The following BBOF1 variants were observed in gnomAD, a reference collection of about 807,000 sequenced individuals.
BBOF1 encodes the protein basal body orientation factor 1.
Under a neutral mutation model 68.0 loss-of-function variants are expected in BBOF1, and 62 were observed. The ratio of observed to expected loss-of-function variants is 0.91; its 90% CI spans 0.74 to 1.13. The LOEUF (loss-of-function observed/expected upper bound fraction) is 1.13, where lower values mean the gene tolerates loss of function less well. BBOF1 is among the 50% of genes most tolerant of loss of function. The probability of loss-of-function intolerance (pLI) is 0.00; values close to 1 mark genes in which losing one functional copy is unlikely to be tolerated. For missense variants in BBOF1, 534 were observed against 600.1 expected, an observed-to-expected ratio of 0.89 and a Z score of 1.15; for synonymous variants, 208 against 198.8, an observed-to-expected ratio of 1.05 and a Z score of -0.39.
intron 5 of BBOF1, among the ~76,000 whole-genome samples, chr14:74,045,600 C>T (rs574178949): frequency 9.8e-5 from 15 of 152,294 alleles, no homozygotes; most frequent in East Asian, 5.8e-4. Flanking sequence ...TGAGCCACCG[C>T]GCCCGGACAA....
At chr14:74,029,922 A>G (rs961101407) in intron 3 of BBOF1, among the ~76,000 whole-genome samples, 1 of 152,118 alleles carries the variant, frequency 6.6e-6, no homozygotes, top group African/African-American at 2.4e-5. Flanking sequence ...TATCTCCTTT[A>G]TCCCTTGCCA....
intron 1 of BBOF1, among the ~76,000 whole-genome samples, chr14:74,020,391 G>A (rs1351663201): frequency 6.6e-6 from 1 of 152,088 alleles, no homozygotes; most frequent in Non-Finnish European, 1.5e-5. Flanking sequence ...AACACTAAGG[G>A]TAAGAGACCT....
At chr14:74,049,162 C>G (rs910127666) in intron 7 of BBOF1, among the ~76,000 whole-genome samples, 3 of 152,174 alleles carry the variant, frequency 2.0e-5, no homozygotes, top group Non-Finnish European at 4.4e-5. Context: ...GCATGAGCCA[C>G]CATGCTCAGC....
At chr14:74,070,083 C>T (rs117623322), downstream of BBOF1, among the ~76,000 whole-genome samples, 2,085 of 152,080 alleles carry the variant, frequency 0.014, 47 homozygotes, top group African/African-American at 0.046. Context: ...TCAAGTGATC[C>T]GCCTGCCTTC....
At chr14:74,075,102 C>G in intron 9 of BBOF1, 1 of 1,231,688 alleles carries the variant, frequency 8.1e-7, no homozygotes, top group East Asian at 2.5e-5. Flanking sequence ...ATGCTATTTG[C>G]TATAGTATAT....
At chr14:74,027,480 A>G (rs2059461753) in intron 2 of BBOF1, among the ~76,000 whole-genome samples, 1 of 148,842 alleles carries the variant, frequency 6.7e-6, no homozygotes, top group South Asian at 2.1e-4. Context: ...TTGGCATCAC[A>G]GTAATAACTG....
chr14:74,067,714 A>T (rs932992099), downstream of BBOF1: 10 of 860,616 alleles, frequency 1.2e-5, no homozygotes, highest in African/African-American at 1.7e-5. Flanking sequence ...ACTTGAGGTC[A>T]GGAGTTCAAG....
intron 9 of BBOF1, chr14:74,072,044 G>T: frequency 6.3e-7 from 1 of 1,578,266 alleles, no homozygotes; most frequent in Non-Finnish European, 8.7e-7. Flanking sequence ...GGTAGCAAAG[G>T]AAGAATAAGA....
At chr14:74,055,434 C>T in intron 8 of BBOF1, 150 bp from the exon 9 acceptor site, 2 of 586,270 alleles carry the variant, frequency 3.4e-6, no homozygotes, top group Non-Finnish European at 6.0e-6. Context: ...CAGGTGTGAG[C>T]CACCGCGCCT....
chr14:74,021,451 A>C (rs1173629935), intron 1 of BBOF1, among the ~76,000 whole-genome samples: 1 of 152,066 alleles, frequency 6.6e-6, no homozygotes, highest in African/African-American at 2.4e-5. Flanking sequence ...TTAGTTGGGC[A>C]TGCTAACTCA....
intron 5 of BBOF1, 121 bp from the exon 6 acceptor site, chr14:74,045,939 G>T (rs1237904020): frequency 4.0e-6 from 3 of 755,762 alleles, no homozygotes; most frequent in African/African-American, 3.6e-5. Flanking sequence ...CCAGTGCTTG[G>T]AGTTCTTTCA....
intron 3 of BBOF1, among the ~76,000 whole-genome samples, chr14:74,031,079 C>A (rs911751063): frequency 1.3e-5 from 2 of 151,294 alleles, no homozygotes; most frequent in African/African-American, 2.4e-5. Flanking sequence ...GTGATCACTC[C>A]ATAGCAGTAT....
chr14:74,027,049 CACAT>C (rs1308849821), intron 2 of BBOF1, among the ~76,000 whole-genome samples: 3 of 148,934 alleles, frequency 2.0e-5, no homozygotes, highest in Non-Finnish European at 4.4e-5. Flanking sequence ...TACTAATAAA[CACAT>C]ACATGAATAA....
intron 4 of BBOF1, among the ~76,000 whole-genome samples, chr14:74,037,162 A>T (rs1424275885): frequency 6.7e-6 from 1 of 148,404 alleles, no homozygotes; most frequent in Non-Finnish European, 1.5e-5. Context: ...TTTAGTAGAG[A>T]CAGGGTTTCA....
At chr14:74,044,168 C>T (rs2059896991) in intron 5 of BBOF1, among the ~76,000 whole-genome samples, 1 of 151,938 alleles carries the variant, frequency 6.6e-6, no homozygotes, top group African/African-American at 2.4e-5. Context: ...ATCACCTGAA[C>T]TCGGGAGACA....
chr14:74,044,069 A>G (rs2059895337), intron 5 of BBOF1, among the ~76,000 whole-genome samples: 1 of 151,652 alleles, frequency 6.6e-6, no homozygotes, highest in East Asian at 2.0e-4. Flanking sequence ...AACATAGTGA[A>G]ACCCTGTCTG....
At chr14:74,046,476 G>A (rs1198655751) in intron 6 of BBOF1, among the ~76,000 whole-genome samples, 3 of 152,056 alleles carry the variant, frequency 2.0e-5, no homozygotes, top group Non-Finnish European at 4.4e-5. Flanking sequence ...GAGTTCAGGC[G>A]ATTCTCATGT....
At chr14:74,080,741 C>T (rs1290220316) in intron 10 of BBOF1, among the ~76,000 whole-genome samples, 5 of 152,186 alleles carry the variant, frequency 3.3e-5, no homozygotes, top group Non-Finnish European at 5.9e-5. Context: ...TCACACCCAG[C>T]CTACTCTTAA....
chr14:74,073,818 T>A (rs1156959002), intron 9 of BBOF1, among the ~76,000 whole-genome samples: 1 of 150,272 alleles, frequency 6.7e-6, no homozygotes, highest in Non-Finnish European at 1.5e-5. Flanking sequence ...TTCGGGAGGT[T>A]GAGGCAGGAG....
Sources: allele counts gnomAD v4.1 joint callset (sites outside exome capture counted in the v4.1 genomes callset), GRCh38; gene constraint gnomAD v4.1.1; transcripts MANE v1.5; gene names NCBI Gene and HGNC (gene_info 2026-07-23, HGNC 2026-07-21).